Variants in MYO5A observed in about 807,000 individuals in gnomAD.
MYO5A encodes unconventional myosin-Va.
A neutral mutation model predicts 249.7 loss-of-function variants in MYO5A; 98 were observed. The ratio of observed to expected loss-of-function variants is 0.39; its 90% CI spans 0.33 to 0.46. The LOEUF (loss-of-function observed/expected upper bound fraction) is 0.46. Among genes scored for constraint, MYO5A ranks in the 20% least tolerant of loss-of-function variants. The probability of loss-of-function intolerance (pLI) is 0.98; values close to 1 mark genes in which losing one functional copy is unlikely to be tolerated. For synonymous variants in MYO5A, 778 were observed against 810.6 expected, an observed-to-expected ratio of 0.96 and a Z score of 0.68; for missense variants, 1,696 against 2,308.8, an observed-to-expected ratio of 0.73 and a Z score of 5.44.
At position 52,340,226 on chromosome 15, in the gene MYO5A, G is replaced by A. The variant is rs751757998; in HGVS notation, c.4209C>T (p.His1403=). The change falls in exon 32 of 42, where the codon CAC becomes CAT. Residue 1403 remains histidine (H), a synonymous_variant. Transcript: ENST00000399233. ...PEARIEASLQ[H]EITRLTNENL... is the part of the protein sequence containing the mutation. ...TTTCGTTGGTCAGCCGGGTGATCTCGTGCTGCAGGCTGGCCTCAATGCGGG... is the reference window on the plus strand; with the variant it reads ...TTTCGTTGGTCAGCCGGGTGATCTCATGCTGCAGGCTGGCCTCAATGCGGG... 34 of 1,614,030 alleles carry A rather than the reference G, an allele frequency of 2.1e-5. No individual in the cohort carries two copies. The East Asian group carries it at 4.5e-4, about 21-fold the overall frequency.
At chr15:52,443,724 A>G (rs984569809) in intron 1 of MYO5A, among the ~76,000 whole-genome samples, 2 of 151,414 alleles carry the variant, frequency 1.3e-5, no homozygotes, top group Non-Finnish European at 2.9e-5. Flanking sequence ...AAAAAAAAAA[A>G]GTAAATCACA....
In MYO5A at chr15:52,483,112, T is replaced by C. The variant is rs149838082; in HGVS notation, c.27+45668A>G. 5.1e-3 allele frequency among the ~76,000 whole-genome samples: 773 copies of C among 152,288 alleles called. 29 individuals carry two copies. The highest frequency in any genetic ancestry group is 0.044 in the Admixed American group (669 of 15,296). ...GGCTTTTCTGGTACACCACTGCTAA[T>C]GGGGTCAGAACTGTCAATGTGTCTA... On this transcript the variant is annotated intron_variant, in intron 1 of 41. Transcript: ENST00000399233.
chr15:52,390,068 T>C (rs754177087), intron 12 of MYO5A, among the ~76,000 whole-genome samples: 2 of 152,178 alleles, frequency 1.3e-5, no homozygotes, highest in Non-Finnish European at 2.9e-5. Flanking sequence ...TCTCATTTAT[T>C]TGTGGGATCT....
chr15:52,489,425 G>A (rs377585794), intron 1 of MYO5A, among the ~76,000 whole-genome samples: 6 of 152,132 alleles, frequency 3.9e-5, no homozygotes, highest in South Asian at 4.1e-4. Flanking sequence ...TTAGCCGGGC[G>A]TGGTGGCACG....
At chr15:52,408,211 G>A in intron 6 of MYO5A, 71 bp from the exon 7 acceptor site, 1 of 865,886 alleles carries the variant, frequency 1.2e-6, no homozygotes, top group Admixed American at 1.9e-5. Context: ...CATAAAATAA[G>A]ATTTTAATAT....
chr15:52,451,636 C>T (rs768438914), intron 1 of MYO5A, among the ~76,000 whole-genome samples: 7 of 152,210 alleles, frequency 4.6e-5, no homozygotes, highest in Non-Finnish European at 8.8e-5. Flanking sequence ...CCACCAAGGG[C>T]CATCTGCACT....
intron 1 of MYO5A, among the ~76,000 whole-genome samples, chr15:52,507,748 G>A (rs1221437785): frequency 7.1e-6 from 1 of 141,316 alleles, no homozygotes; most frequent in East Asian, 2.1e-4. Context: ...AGGCTGCAGT[G>A]AGCCATGATC....
intron 9 of MYO5A, among the ~76,000 whole-genome samples, chr15:52,402,042 C>G (rs534648780): frequency 1.7e-4 from 26 of 151,976 alleles, no homozygotes; most frequent in Non-Finnish European, 2.8e-4. Context: ...GACTGTGAGT[C>G]AATATTTCTT....
chr15:52,449,548 C>G (rs2075970473), intron 1 of MYO5A, among the ~76,000 whole-genome samples: 1 of 152,084 alleles, frequency 6.6e-6, no homozygotes, highest in Non-Finnish European at 1.5e-5. Context: ...CCCTGGCAGC[C>G]TACCTGGAAC....
At chr15:52,429,888 G>A (rs1230119515) in intron 2 of MYO5A, among the ~76,000 whole-genome samples, 4 of 152,248 alleles carry the variant, frequency 2.6e-5, no homozygotes, top group South Asian at 4.1e-4. Context: ...ACAGGTGTGA[G>A]TGACCATTAC....
At chr15:52,405,180 T>C (rs1384431160) in intron 9 of MYO5A, 107 bp downstream of exon 9, 9 of 825,130 alleles carry the variant, frequency 1.1e-5, no homozygotes, top group Non-Finnish European at 1.6e-5. Context: ...TAATTATGTT[T>C]CTGATAATAT....
intron 32 of MYO5A, among the ~76,000 whole-genome samples, chr15:52,338,749 A>G (rs28756182): frequency 0.097 from 14,816 of 152,192 alleles, 2,241 homozygotes; most frequent in African/African-American, 0.33. Context: ...AAATTGCCAA[A>G]AAAATTAATA....
intron 25 of MYO5A, among the ~76,000 whole-genome samples, chr15:52,358,351 AATCC>A (rs2040351753): frequency 6.6e-6 from 1 of 152,200 alleles, no homozygotes; most frequent in African/African-American, 2.4e-5. Flanking sequence ...AACAGGATGT[AATCC>A]TAAAACCTTC....
chr15:52,406,934 TCA>T (rs549391261), intron 8 of MYO5A, among the ~76,000 whole-genome samples: 100 of 152,292 alleles, frequency 6.6e-4, no homozygotes, highest in African/African-American at 2.3e-3. Flanking sequence ...GCTTCAGGTT[TCA>T]GATTTTGTAA....
intron 1 of MYO5A, among the ~76,000 whole-genome samples, chr15:52,460,200 C>A (rs966374656): frequency 1.4e-5 from 2 of 146,878 alleles, no homozygotes; most frequent in Non-Finnish European, 3.0e-5. Flanking sequence ...ACATCCCAGA[C>A]GATGGGCGGC....
At chr15:52,368,982 T>C (rs1479378389) in intron 22 of MYO5A, among the ~76,000 whole-genome samples, 1 of 152,200 alleles carries the variant, frequency 6.6e-6, no homozygotes, top group African/African-American at 2.4e-5. Context: ...ATCTTAAACA[T>C]TCAAGAGTAT....
At chr15:52,388,021 G>T in intron 13 of MYO5A, 109 bp from the exon 14 acceptor site, 1 of 810,036 alleles carries the variant, frequency 1.2e-6, no homozygotes, top group African/African-American at 1.7e-5. Context: ...TCAACTCTCA[G>T]CAAACTGGTA....
chr15:52,513,872 G>T (rs2077446225), intron 1 of MYO5A, among the ~76,000 whole-genome samples: 1 of 152,208 alleles, frequency 6.6e-6, no homozygotes, highest in Admixed American at 6.5e-5. Flanking sequence ...GGTTGAAAAA[G>T]AGAACTGGAA....
chr15:52,472,190 T>C (rs2076487856), intron 1 of MYO5A, among the ~76,000 whole-genome samples: 1 of 151,990 alleles, frequency 6.6e-6, no homozygotes, highest in Non-Finnish European at 1.5e-5. Context: ...ACCATTCTTC[T>C]GCCTCAGCCG....
Sources: gnomAD v4.1 joint callset for allele counts (sites outside exome capture counted in the v4.1 genomes callset) on GRCh38, gnomAD v4.1.1 for gene constraint, MANE v1.5 for transcripts, NCBI Gene and HGNC (gene_info 2026-07-23, HGNC 2026-07-21) for gene names.